The following FRMD4A variants were observed in gnomAD, a reference collection of about 807,000 sequenced individuals.
FRMD4A encodes FERM domain-containing protein 4A.
Under a neutral mutation model 129.1 loss-of-function variants are expected in FRMD4A, and 29 were observed. The ratio of observed to expected loss-of-function variants is 0.22; its 90% confidence interval spans 0.17 to 0.31. The LOEUF (loss-of-function observed/expected upper bound fraction) is 0.31. Ranked by LOEUF, FRMD4A falls within the 10% of genes least tolerant of loss-of-function variation. The pLI, the probability that FRMD4A is intolerant of heterozygous loss-of-function variation, is 1.00. For synonymous variants in FRMD4A, 634 were observed against 571.6 expected, an observed-to-expected ratio of 1.11 and a Z score of -1.56; for missense variants, 1,272 against 1,375.8, an observed-to-expected ratio of 0.92 and a Z score of 1.19.
At chr10:14,289,273 A>G (rs1845777738) in intron 2 of FRMD4A, among the ~76,000 whole-genome samples, 1 of 152,016 alleles carries the variant, frequency 6.6e-6, no homozygotes, top group Non-Finnish European at 1.5e-5. Context: ...TATCTCACCA[A>G]TATTTGTTGT....
At chr10:13,725,352 G>A (rs2089810745) in intron 12 of FRMD4A, among the ~76,000 whole-genome samples, 1 of 152,140 alleles carries the variant, frequency 6.6e-6, no homozygotes, top group South Asian at 2.1e-4. Flanking sequence ...AGACAACTTG[G>A]GGAGATTCTT....
rs66980805 is a variant in FRMD4A, at chr10:13,925,566, C to CTTTTTTTT, written c.46-66662_46-66655dup. Among the ~76,000 whole-genome samples, 382 of 61,910 alleles carry CTTTTTTTT rather than the reference C, an allele frequency of 6.2e-3. 70 individuals are homozygous for CTTTTTTTT. Among genetic ancestry groups the CTTTTTTTT allele is most frequent in the East Asian group, 0.013 (16 of 1,248 alleles). The allele number at this position is 61,910 out of a possible 152,430, so 40.6% of individuals were successfully genotyped here. On this transcript the variant is annotated intron_variant, in intron 2 of 24. Coordinates refer to ENST00000357447, the MANE Select transcript of FRMD4A (RefSeq NM_018027.5). ...TGAAAGTTTCTATTGTAGTGAAACG[C>CTTTTTTTT]TTTTTTTTTTTTTTTTTTTTTTTTT...
intron 2 of FRMD4A, among the ~76,000 whole-genome samples, chr10:13,878,373 G>A (rs2094510379): frequency 6.6e-6 from 1 of 152,190 alleles, no homozygotes; most frequent in South Asian, 2.1e-4. Flanking sequence ...TTTAACCAGT[G>A]ACACTGCTGC....
intron 2 of FRMD4A, among the ~76,000 whole-genome samples, chr10:14,206,564 G>T (rs974193828): frequency 1.3e-5 from 2 of 152,046 alleles, no homozygotes; most frequent in African/African-American, 4.8e-5. Flanking sequence ...TTGGGAGGCC[G>T]AGGCAGGAGG....
chr10:14,036,175 C>G (rs1416283494), intron 2 of FRMD4A, among the ~76,000 whole-genome samples: 1 of 152,212 alleles, frequency 6.6e-6, no homozygotes, highest in African/African-American at 2.4e-5. Context: ...GGCGATCATT[C>G]CTGGCACATT....
At chr10:13,678,241 C>A (rs2134745084) in intron 15 of FRMD4A, among the ~76,000 whole-genome samples, 1 of 152,266 alleles carries the variant, frequency 6.6e-6, no homozygotes, top group East Asian at 1.9e-4. Context: ...CTCTCTGTAT[C>A]CGCTAATGCT....
chr10:14,267,260 G>A (rs1181104746), intron 2 of FRMD4A, among the ~76,000 whole-genome samples: 1 of 152,132 alleles, frequency 6.6e-6, no homozygotes, highest in Non-Finnish European at 1.5e-5. Context: ...CTGAGTTCTT[G>A]GGAACACACA....
At chr10:13,783,580 C>T (rs569633931) in intron 5 of FRMD4A, among the ~76,000 whole-genome samples, 77 of 151,502 alleles carry the variant, frequency 5.1e-4, no homozygotes, top group Non-Finnish European at 9.1e-4. Flanking sequence ...CGGAGTCTTC[C>T]TTTGTTGCTC....
intron 2 of FRMD4A, among the ~76,000 whole-genome samples, chr10:13,897,789 T>C (rs2094774519): frequency 6.6e-6 from 1 of 151,056 alleles, no homozygotes; most frequent in Admixed American, 6.6e-5. Flanking sequence ...ATACAAAAAA[T>C]TAGCCGGGTG....
At chr10:13,657,997 G>A (rs1327122697) in intron 21 of FRMD4A, among the ~76,000 whole-genome samples, 7 of 150,948 alleles carry the variant, frequency 4.6e-5, no homozygotes, top group African/African-American at 1.5e-4. Flanking sequence ...TAGAAAATTA[G>A]CTGGGTGTAG....
Position 13,659,377 on chromosome 10 carries a change from A to G in FRMD4A, c.2012T>C (p.Met671Thr). 18 of 1,614,188 alleles carry G rather than the reference A, an allele frequency of 1.1e-5. No homozygotes were observed. The highest frequency in any genetic ancestry group is 1.4e-5 in the Non-Finnish European group (17 of 1,180,008). ...GACCCGCAGGTCTGGCGTGGACGGCATGCTGGACTGGGAGTTCCAGTGCGG... is the reference window on the plus strand; with the variant it reads ...GACCCGCAGGTCTGGCGTGGACGGCGTGCTGGACTGGGAGTTCCAGTGCGG... ...GLPHWNSQSSMPSTPDLRVRS... is the reference protein window; with the variant it reads ...GLPHWNSQSSTPSTPDLRVRS... Residue 671 changes from methionine (M) to threonine (T), a missense_variant, in exon 21 of 25, where the codon ATG becomes ACG. Met to Thr is a moderately conservative substitution (Grantham distance 81). Around this residue, in one of 2 missense-constraint regions of FRMD4A, gnomAD observed 972 missense variants for 892.3 expected, o/e 1.09. Transcript: ENST00000357447.
intron 2 of FRMD4A, among the ~76,000 whole-genome samples, chr10:13,907,974 T>C (rs569310471): frequency 6.6e-6 from 1 of 151,438 alleles, no homozygotes; most frequent in South Asian, 2.1e-4. Context: ...ACGACCAGCC[T>C]GGCCAACATG....
chr10:13,750,795 T>C (rs2091581303), intron 8 of FRMD4A, among the ~76,000 whole-genome samples: 1 of 152,122 alleles, frequency 6.6e-6, no homozygotes, highest in Admixed American at 6.5e-5. Flanking sequence ...ACCTGGTGAT[T>C]TTCAAACGGG....
At chr10:14,133,281 C>T (rs1198393619) in intron 2 of FRMD4A, among the ~76,000 whole-genome samples, 2 of 152,102 alleles carry the variant, frequency 1.3e-5, no homozygotes, top group Non-Finnish European at 2.9e-5. Context: ...AAATATAAAG[C>T]TGGTATCAAG....
intron 2 of FRMD4A, among the ~76,000 whole-genome samples, chr10:14,247,670 A>G (rs903389087): frequency 7.9e-5 from 12 of 152,164 alleles, no homozygotes; most frequent in African/African-American, 2.9e-4. Context: ...GGCTTGGGAA[A>G]TTAGCCCCTA....
intron 8 of FRMD4A, among the ~76,000 whole-genome samples, chr10:13,752,364 C>T (rs188865282): frequency 6.6e-6 from 1 of 152,170 alleles, no homozygotes; most frequent in Admixed American, 6.5e-5. Flanking sequence ...AACCAAGATG[C>T]CACAAAGTGA....
At chr10:13,949,719 T>C (rs2095359035) in intron 2 of FRMD4A, among the ~76,000 whole-genome samples, 1 of 152,210 alleles carries the variant, frequency 6.6e-6, no homozygotes, top group African/African-American at 2.4e-5. Flanking sequence ...TTATAAATCC[T>C]TATTTTATAG....
intron 2 of FRMD4A, among the ~76,000 whole-genome samples, chr10:14,061,753 T>A (rs1353033071): frequency 2.6e-5 from 4 of 152,212 alleles, no homozygotes; most frequent in Admixed American, 6.5e-5. Context: ...TTTCTTCCCA[T>A]GGGCATTGTC....
At chr10:13,992,474 G>A (rs936494321) in intron 2 of FRMD4A, among the ~76,000 whole-genome samples, 1 of 152,134 alleles carries the variant, frequency 6.6e-6, no homozygotes, top group Admixed American at 6.5e-5. Flanking sequence ...TCCTGCCTAA[G>A]TCTCGGGTCA....
Sources: allele counts gnomAD v4.1 joint callset (sites outside exome capture counted in the v4.1 genomes callset), GRCh38; gene constraint gnomAD v4.1.1; regional missense constraint gnomAD v4.1.1; transcripts MANE v1.5; gene names NCBI Gene and HGNC (gene_info 2026-07-23, HGNC 2026-07-21).